Variants in RIPOR2 observed in about 807,000 individuals in gnomAD.
RIPOR2 encodes RHO family interacting cell polarization regulator 2.
A neutral mutation model predicts 114.5 loss-of-function variants in RIPOR2; 39 were observed. The observed-to-expected ratio is 0.34, with a 90% confidence interval of 0.26 to 0.44. RIPOR2 has a LOEUF of 0.44. RIPOR2 is among the 20% of genes least tolerant of loss of function. The pLI is 1.00. For synonymous variants in RIPOR2, 445 were observed against 484.4 expected (o/e 0.92, Z 1.07); for missense variants, 1,007 against 1,255.1 (o/e 0.80, Z 2.99).
rs551894789 is a variant in RIPOR2, at chr6:24,851,195, C to T, written c.760-473G>A. On this transcript the variant is annotated intron_variant, in intron 9 of 21. Coordinates refer to ENST00000643898, the MANE Select transcript of RIPOR2 (RefSeq NM_001286445.3). ...CAGACATAAGCCACTGTGCCTGGCCCGAGACTTTTAAAGCACAGTAAGTTC... is the reference window on the plus strand; with the variant it reads ...CAGACATAAGCCACTGTGCCTGGCCTGAGACTTTTAAAGCACAGTAAGTTC... Among the ~76,000 whole-genome samples the T allele has an allele frequency of 2.9e-4, 44 of 152,178 alleles. No individual in the cohort carries two copies. In the East Asian group the frequency reaches 3.9e-3, roughly 13 times the overall value.
At chr6:24,955,003 T>C (rs1286118764) in intron 1 of RIPOR2, among the ~76,000 whole-genome samples, 1 of 152,212 alleles carries the variant, frequency 6.6e-6, no homozygotes, top group Non-Finnish European at 1.5e-5. Context: ...TATCCTGATT[T>C]GTAGAACAGG....
At chr6:25,011,061 A>T (rs1209965298) in intron 1 of RIPOR2, among the ~76,000 whole-genome samples, 3 of 152,120 alleles carry the variant, frequency 2.0e-5, no homozygotes, top group Admixed American at 6.5e-5. Context: ...ATGTTACTTC[A>T]TCCTGTTCTT....
chr6:24,958,689 T>G (rs534393640), intron 1 of RIPOR2, among the ~76,000 whole-genome samples: 1 of 152,268 alleles, frequency 6.6e-6, no homozygotes, highest in East Asian at 1.9e-4. Flanking sequence ...CAGAGTGAAC[T>G]TTCACTCTTG....
intron 8 of RIPOR2, 54 bp downstream of exon 8, chr6:24,860,919 C>A (rs1764009409): frequency 6.8e-6 from 8 of 1,178,582 alleles, no homozygotes; most frequent in Admixed American, 5.9e-5. Flanking sequence ...CTTCAAGGAG[C>A]TCTGCACTCT....
At chr6:24,943,130 G>A (rs1772226136) in intron 1 of RIPOR2, among the ~76,000 whole-genome samples, 1 of 152,178 alleles carries the variant, frequency 6.6e-6, no homozygotes, top group Non-Finnish European at 1.5e-5. Context: ...AGAAAATGTG[G>A]CACATATACA....
At chr6:25,004,986 T>TAC (rs58120451) in intron 1 of RIPOR2, among the ~76,000 whole-genome samples, 117 of 146,530 alleles carry the variant, frequency 8.0e-4, no homozygotes, top group East Asian at 2.8e-3. Context: ...TCAAATAGGC[T>TAC]ACACACACAC....
chr6:25,002,186 A>G (rs1375246274), intron 1 of RIPOR2, among the ~76,000 whole-genome samples: 1 of 152,248 alleles, frequency 6.6e-6, no homozygotes, highest in Non-Finnish European at 1.5e-5. Flanking sequence ...CTTAGACTAT[A>G]GGTATGACTA....
chr6:24,945,226 C>CA (rs930479903), intron 1 of RIPOR2, among the ~76,000 whole-genome samples: 8 of 151,818 alleles, frequency 5.3e-5, no homozygotes, highest in East Asian at 1.9e-4. Flanking sequence ...AAAATAAAAA[C>CA]AAAAAAACTG....
chr6:24,965,204 G>C (rs1773473415), intron 1 of RIPOR2, among the ~76,000 whole-genome samples: 1 of 151,816 alleles, frequency 6.6e-6, no homozygotes, highest in African/African-American at 2.4e-5. Context: ...GAGCACAGTG[G>C]TACAATTACT....
intron 1 of RIPOR2, among the ~76,000 whole-genome samples, chr6:25,033,167 A>G (rs1777076755): frequency 6.6e-6 from 1 of 151,810 alleles, no homozygotes; most frequent in Non-Finnish European, 1.5e-5. Context: ...GTGAGCCGCG[A>G]CGGCGCCACA....
At chr6:24,962,655 A>C (rs1241547589) in intron 1 of RIPOR2, among the ~76,000 whole-genome samples, 1 of 152,056 alleles carries the variant, frequency 6.6e-6, no homozygotes, top group Non-Finnish European at 1.5e-5. Flanking sequence ...TTAGTATGGT[A>C]AGGTTTGAGC....
At chr6:24,895,058 T>G (rs564209296) in intron 1 of RIPOR2, among the ~76,000 whole-genome samples, 1 of 152,214 alleles carries the variant, frequency 6.6e-6, no homozygotes, top group Non-Finnish European at 1.5e-5. Flanking sequence ...TTTTTTGTTT[T>G]GTTTTGTTTT....
intron 12 of RIPOR2, among the ~76,000 whole-genome samples, chr6:24,843,804 T>C (rs146372309): frequency 6.6e-6 from 1 of 151,212 alleles, no homozygotes; most frequent in Admixed American, 6.6e-5. Context: ...TAGGTGAAAG[T>C]TCATGGCAAT....
chr6:24,996,602 C>T (rs1038829862), intron 1 of RIPOR2, among the ~76,000 whole-genome samples: 6 of 152,182 alleles, frequency 3.9e-5, no homozygotes, highest in Non-Finnish European at 5.9e-5. Context: ...CCAGCTAGTC[C>T]AACTGTGTCC....
intron 1 of RIPOR2, chr6:25,024,225 C>G: frequency 6.6e-7 from 1 of 1,516,430 alleles, no homozygotes; most frequent in Non-Finnish European, 9.1e-7. Context: ...CAGGAGGTAG[C>G]GGTCCTCATA....
At chr6:24,985,424 T>C (rs1774488695) in intron 1 of RIPOR2, among the ~76,000 whole-genome samples, 1 of 152,018 alleles carries the variant, frequency 6.6e-6, no homozygotes, top group African/African-American at 2.4e-5. Flanking sequence ...GATCAAAATC[T>C]CTTGACAACA....
In RIPOR2 at chr6:24,835,745, G is replaced by A; in HGVS notation, c.2166C>T (p.Ile722=). The A allele has an allele frequency of 6.4e-7, 1 of 1,551,636 alleles. No homozygotes were observed. The highest frequency in any genetic ancestry group is 8.7e-7 in the Non-Finnish European group (1 of 1,146,964). The change falls in exon 15 of 22, where the codon ATC becomes ATT. Residue 722 remains isoleucine (I), a synonymous_variant. Transcript: ENST00000643898. ...AGTACTGGAGGTGCCTGACGATGGT[G>A]ATGTCCAGGCTCTCGTTGCCTGTGG... ...PLTTGNESLD[I]TIVRHLQYCT...
chr6:24,852,602 T>C lies in RIPOR2; in HGVS notation c.732A>G (p.Ala244=). The change falls in exon 9 of 22, where the codon GCA becomes GCG. Residue 244 remains alanine (A), a synonymous_variant. Transcript: ENST00000643898. ...CATATTGATCTCCAGGACAGAGGCG[T>C]GCAAAGCCAGCCAGACCTGTAACCA... ...SIKMKGLAGF[A]RLCPGDQYEI... 6.3e-7 allele frequency: 1 copy of C among 1,595,614 alleles called. No homozygotes were observed. Among genetic ancestry groups the C allele is most frequent in the Non-Finnish European group, 8.5e-7 (1 of 1,174,620 alleles).
intron 12 of RIPOR2, 150 bp from the exon 13 acceptor site, chr6:24,843,704 T>A: frequency 9.7e-6 from 2 of 206,204 alleles, no homozygotes; most frequent in Non-Finnish European, 2.0e-5. Flanking sequence ...ATGCCGTGTG[T>A]GTGTGTGTGT....
Sources: allele counts gnomAD v4.1 joint callset (sites outside exome capture counted in the v4.1 genomes callset), GRCh38; gene constraint gnomAD v4.1.1; transcripts MANE v1.5; gene names NCBI Gene and HGNC (gene_info 2026-07-23, HGNC 2026-07-21).